Variants in KLHL1 observed in about 807,000 individuals in gnomAD.
KLHL1 encodes the protein kelch like family member 1, also known as kelch-like protein 1.
KLHL1 carries 47 observed loss-of-function variants against 77.7 expected under a neutral mutation model. The ratio of observed to expected loss-of-function variants is 0.60; its 90% CI spans 0.48 to 0.77. The LOEUF (loss-of-function observed/expected upper bound fraction) is 0.77, where lower values mean the gene tolerates loss of function less well. KLHL1 is among the 30% of genes least tolerant of loss of function. KLHL1 has a pLI of 0.00. For synonymous variants in KLHL1, 360 were observed against 325.2 expected (o/e 1.11, Z -1.15); for missense variants, 925 against 910.8 (o/e 1.02, Z -0.20).
intron 8 of KLHL1, among the ~76,000 whole-genome samples, chr13:69,729,667 T>C (rs564539090): frequency 1.1e-3 from 161 of 152,166 alleles, no homozygotes; most frequent in Middle Eastern, 6.8e-3. Flanking sequence ...ACCCAGACAT[T>C]AATAGCCAGT....
rs576612659 is a variant in KLHL1 at position 69,742,780 on chromosome 13, G to C, written c.1640-2224C>G. Reference sequence around the variant, plus strand: ...TATTCATATGGAGGGATCGTGTTTTGAGTGCAGGCATAGTTAAAATTAAAA... The same window carrying C: ...TATTCATATGGAGGGATCGTGTTTTCAGTGCAGGCATAGTTAAAATTAAAA... On this transcript the variant is annotated intron_variant, in intron 7 of 10. Coordinates refer to ENST00000377844, the MANE Select transcript of KLHL1 (RefSeq NM_020866.3). Among the ~76,000 whole-genome samples, 4 of 152,262 alleles carry C rather than the reference G, an allele frequency of 2.6e-5. No homozygotes were observed. The East Asian group carries it at 7.7e-4, about 29-fold the overall frequency.
intron 4 of KLHL1, among the ~76,000 whole-genome samples, chr13:69,908,613 T>A (rs1234740397): frequency 6.6e-6 from 1 of 151,380 alleles, no homozygotes; most frequent in African/African-American, 2.4e-5. Context: ...ATATTTCATT[T>A]ATGAATTATT....
chr13:69,832,504 T>A (rs571309715), intron 6 of KLHL1, among the ~76,000 whole-genome samples: 9 of 149,956 alleles, frequency 6.0e-5, no homozygotes, highest in Admixed American at 1.3e-4. Flanking sequence ...GTAGAATCAT[T>A]GGGAAAATAA....
intron 5 of KLHL1, among the ~76,000 whole-genome samples, chr13:69,840,543 A>T (rs761764491): frequency 2.6e-5 from 4 of 151,910 alleles, no homozygotes; most frequent in African/African-American, 9.7e-5. Context: ...TTTAATCTGA[A>T]TAAGAAACAT....
chr13:70,094,217 C>A (rs1189278881), intron 1 of KLHL1, among the ~76,000 whole-genome samples: 2 of 151,926 alleles, frequency 1.3e-5, no homozygotes, highest in African/African-American at 4.8e-5. Context: ...GTAGTCGCAG[C>A]TACTCGGCTG....
chr13:69,745,954 A>T (rs1434462824), intron 7 of KLHL1, among the ~76,000 whole-genome samples: 1 of 151,580 alleles, frequency 6.6e-6, no homozygotes, highest in African/African-American at 2.4e-5. Flanking sequence ...TCTAATCCAG[A>T]ACACAGTACA....
intron 5 of KLHL1, among the ~76,000 whole-genome samples, chr13:69,854,450 A>G (rs935182183): frequency 6.6e-6 from 1 of 152,008 alleles, no homozygotes; most frequent in Admixed American, 6.6e-5. Flanking sequence ...CATGCTACTC[A>G]TGAGGGATCC....
chr13:69,826,339 C>A (rs549145582), intron 6 of KLHL1, among the ~76,000 whole-genome samples: 2 of 152,166 alleles, frequency 1.3e-5, no homozygotes, highest in Non-Finnish European at 2.9e-5. Context: ...AATCCCGGCA[C>A]TTTGGGAGGC....
chr13:69,813,852 C>G (rs1164572936), intron 6 of KLHL1, among the ~76,000 whole-genome samples: 1 of 152,124 alleles, frequency 6.6e-6, no homozygotes. Context: ...AACTCTATTC[C>G]TATCAAATTT....
intron 1 of KLHL1, among the ~76,000 whole-genome samples, chr13:70,094,852 A>C (rs1322327525): frequency 6.6e-6 from 1 of 152,130 alleles, no homozygotes; most frequent in African/African-American, 2.4e-5. Flanking sequence ...TCCAGATAGG[A>C]TAAGAATCAT....
intron 6 of KLHL1, among the ~76,000 whole-genome samples, chr13:69,833,774 T>C (rs56399751): frequency 0.059 from 8,577 of 145,392 alleles, 392 homozygotes; most frequent in African/African-American, 0.13. Flanking sequence ...TATACATACA[T>C]ACATACATAT....
At position 69,776,081 on chromosome 13, in the gene KLHL1, G is replaced by A. The variant is rs542103538; in HGVS notation, c.1639+20657C>T. ...TGAGGCAGGAGAATGGCATGAACTCGGGAGGTGGAGCTTGCAGTGAGCTGA... is the reference window on the plus strand; with the variant it reads ...TGAGGCAGGAGAATGGCATGAACTCAGGAGGTGGAGCTTGCAGTGAGCTGA... On this transcript the variant is annotated intron_variant, in intron 7 of 10. Coordinates refer to ENST00000377844, the MANE Select transcript of KLHL1 (RefSeq NM_020866.3). Among the ~76,000 whole-genome samples, 19 of 151,782 alleles carry A rather than the reference G, an allele frequency of 1.3e-4. No individual in the cohort carries two copies. The South Asian group carries it at 3.3e-3, about 27-fold the overall frequency.
intron 7 of KLHL1, among the ~76,000 whole-genome samples, chr13:69,788,453 T>C (rs1454868988): frequency 6.6e-6 from 1 of 152,006 alleles, no homozygotes; most frequent in East Asian, 1.9e-4. Flanking sequence ...TAGGTGGGAA[T>C]TGAACAATGA....
chr13:70,012,644 C>T (rs1885562770), intron 1 of KLHL1, among the ~76,000 whole-genome samples: 1 of 152,260 alleles, frequency 6.6e-6, no homozygotes, highest in East Asian at 1.9e-4. Context: ...GGCACTGTGG[C>T]TCATGCCTGT....
rs185757773 is a variant in KLHL1, at chr13:69,970,501, T to C, written c.680+5119A>G. Among the ~76,000 whole-genome samples the C allele has an allele frequency of 1.6e-3, 246 of 152,210 alleles. 1 individual carries two copies. Among genetic ancestry groups the C allele is most frequent in the Non-Finnish European group, 2.5e-3 (173 of 68,000 alleles). ...TGCCGATGTCCCAGGGGCAGTGATGTTAGTACCTAAAGCACCCAGATGCTC... is the reference window on the plus strand; with the variant it reads ...TGCCGATGTCCCAGGGGCAGTGATGCTAGTACCTAAAGCACCCAGATGCTC... On this transcript the variant is annotated intron_variant, in intron 2 of 10. Transcript: ENST00000377844.
At chr13:69,958,439 A>AT (rs1566445492) in intron 3 of KLHL1, among the ~76,000 whole-genome samples, 2 of 148,412 alleles carry the variant, frequency 1.3e-5, no homozygotes, top group African/African-American at 5.1e-5. Flanking sequence ...TATAAAAGTT[A>AT]TTTTTTCAAA....
At chr13:70,001,432 C>T (rs1024508916) in intron 1 of KLHL1, among the ~76,000 whole-genome samples, 6 of 150,920 alleles carry the variant, frequency 4.0e-5, no homozygotes, top group Admixed American at 4.0e-4. Context: ...CAACAAAAGA[C>T]AAAATGAGAG....
At chr13:69,778,792 C>CTTTTTTTTTTTTTTTTTT (rs1172258314) in intron 7 of KLHL1, among the ~76,000 whole-genome samples, 1 of 99,216 alleles carries the variant, frequency 1.0e-5, no homozygotes. Flanking sequence ...TATTCCCTCT[C>CTTTTTTTTTTTTTTTTTT]TTTTTTTTTT....
intron 7 of KLHL1, among the ~76,000 whole-genome samples, chr13:69,746,842 T>G (rs1874237127): frequency 6.6e-6 from 1 of 151,990 alleles, no homozygotes. Flanking sequence ...TATGAAAAAC[T>G]GATAGATGTC....
Sources: allele counts gnomAD v4.1 joint callset (sites outside exome capture counted in the v4.1 genomes callset), GRCh38; gene constraint gnomAD v4.1.1; transcripts MANE v1.5; gene names NCBI Gene and HGNC (gene_info 2026-07-23, HGNC 2026-07-21).